Variants in CMIP observed in about 807,000 individuals in gnomAD.
CMIP encodes the protein C-Maf-inducing protein.
A neutral mutation model predicts 97.3 loss-of-function variants in CMIP; 13 were observed. The ratio of observed to expected loss-of-function variants is 0.13; its 90% CI spans 0.09 to 0.21. The LOEUF (loss-of-function observed/expected upper bound fraction) is 0.21. Ranked by LOEUF, CMIP falls within the 10% of genes least tolerant of loss-of-function variation. The probability of loss-of-function intolerance (pLI) is 1.00; values close to 1 mark genes in which losing one functional copy is unlikely to be tolerated. For synonymous variants in CMIP, 538 were observed against 436.3 expected (o/e 1.23, Z -2.91); for missense variants, 847 against 1,024.9 (o/e 0.83, Z 2.37).
intron 1 of CMIP, among the ~76,000 whole-genome samples, chr16:81,538,893 TTTAAA>T (rs1285597953): frequency 1.3e-5 from 2 of 152,192 alleles, no homozygotes; most frequent in African/African-American, 4.8e-5. Context: ...TTGTGTTCAT[TTTAAA>T]TTAAAATAAA....
intron 1 of CMIP, among the ~76,000 whole-genome samples, chr16:81,567,725 G>A (rs558587853): frequency 3.5e-4 from 53 of 152,294 alleles, no homozygotes; most frequent in South Asian, 2.1e-4. Flanking sequence ...CTGCTGTGTC[G>A]TCTGCACAGA....
At chr16:81,665,839 G>C (rs949859965) in intron 7 of CMIP, 10 of 151,580 alleles carry the variant, frequency 6.6e-5, no homozygotes, top group African/African-American at 2.4e-4. Flanking sequence ...TAGAGCCAGA[G>C]ACAGCATCAC....
At chr16:81,451,112 G>T (rs1906181986) in intron 1 of CMIP, among the ~76,000 whole-genome samples, 2 of 152,166 alleles carry the variant, frequency 1.3e-5, no homozygotes, top group South Asian at 4.1e-4. Context: ...TCTTTGATAT[G>T]GTTTGGATGT....
At chr16:81,559,828 C>G (rs2090841729) in intron 1 of CMIP, among the ~76,000 whole-genome samples, 1 of 152,132 alleles carries the variant, frequency 6.6e-6, no homozygotes, top group Non-Finnish European at 1.5e-5. Context: ...CAGCCTCAGG[C>G]AAGTCTTTCA....
At chr16:81,534,088 C>G (rs1382901948) in intron 1 of CMIP, 2 of 152,240 alleles carry the variant, frequency 1.3e-5, no homozygotes, top group African/African-American at 2.4e-5. Context: ...CATCTCCACG[C>G]TGGAGCTGGG....
chr16:81,701,818 C>T lies in CMIP; in HGVS notation c.1896+18C>T. 6.2e-7 allele frequency: 1 copy of T among 1,612,642 alleles called. No individual in the cohort carries two copies. The highest frequency in any genetic ancestry group is 1.3e-5 in the African/African-American group (1 of 75,044). ...AGGAGCTGGTGAGTCCCCGGCTGCT[C>T]CGGACCACTCCCCTGCCCAGCAGGC... On this transcript the variant is annotated intron_variant, in intron 16 of 20. Coordinates refer to ENST00000537098, the MANE Select transcript of CMIP (RefSeq NM_198390.3).
intron 1 of CMIP, among the ~76,000 whole-genome samples, chr16:81,569,347 G>C (rs1008548669): frequency 6.6e-6 from 1 of 152,246 alleles, no homozygotes; most frequent in Admixed American, 6.5e-5. Flanking sequence ...AGGTACCCCA[G>C]TAGGTAATGG....
chr16:81,668,902 ACCTTCCACACCCACCTCACACTCACGG>A (rs2092642757), intron 7 of CMIP, among the ~76,000 whole-genome samples: 2 of 126,200 alleles, frequency 1.6e-5, no homozygotes, highest in South Asian at 2.5e-4. Flanking sequence ...CCCACCTCAC[ACCTTCCACACCCACCTCACACTCACGG>A]CCTTCCACAC....
At chr16:81,706,866 C>A (rs181546143) in intron 19 of CMIP, 148 bp from the exon 20 acceptor site, 1 of 683,130 alleles carries the variant, frequency 1.5e-6, no homozygotes, top group Non-Finnish European at 2.6e-6. Context: ...GCCACCTACC[C>A]TGGCTGTGTC....
intron 1 of CMIP, among the ~76,000 whole-genome samples, chr16:81,606,569 C>T (rs1309470925): frequency 6.6e-6 from 1 of 152,132 alleles, no homozygotes; most frequent in East Asian, 1.9e-4. Context: ...CTACTCCCAA[C>T]AATGACCAAT....
intron 1 of CMIP, among the ~76,000 whole-genome samples, chr16:81,491,910 A>G (rs1193489741): frequency 1.3e-5 from 2 of 152,262 alleles, no homozygotes; most frequent in Non-Finnish European, 2.9e-5. Flanking sequence ...ATGACGTTTT[A>G]CCTAGTCTTC....
chr16:81,495,535 T>A (rs1243879821), intron 1 of CMIP: 2 of 1,606,176 alleles, frequency 1.2e-6, no homozygotes, highest in East Asian at 2.2e-5. Flanking sequence ...CAGCTTGATG[T>A]CTGTGCCTAA....
intron 20 of CMIP, among the ~76,000 whole-genome samples, chr16:81,707,443 C>T (rs1332971674): frequency 6.6e-6 from 1 of 152,232 alleles, no homozygotes; most frequent in African/African-American, 2.4e-5. Flanking sequence ...CAAATGTAAC[C>T]AGGAACTGAG....
chr16:81,474,136 C>A (rs932790841), intron 1 of CMIP, among the ~76,000 whole-genome samples: 3 of 152,238 alleles, frequency 2.0e-5, no homozygotes, highest in South Asian at 2.1e-4. Context: ...ACGGCCTCTC[C>A]ACTCCCCCAG....
intron 1 of CMIP, among the ~76,000 whole-genome samples, chr16:81,534,472 A>T (rs1243678361): frequency 1.3e-5 from 2 of 152,118 alleles, no homozygotes; most frequent in Non-Finnish European, 2.9e-5. Flanking sequence ...TTACTCTCCA[A>T]CTTTTTTTGT....
chr16:81,533,901 TTTCC>T (rs2090290316), intron 1 of CMIP: 1 of 152,254 alleles, frequency 6.6e-6, no homozygotes, highest in Admixed American at 6.5e-5. Flanking sequence ...TCTCCTGCCC[TTTCC>T]TTCCATCTCC....
At chr16:81,642,881 G>C (rs1409505703) in intron 3 of CMIP, among the ~76,000 whole-genome samples, 1 of 151,838 alleles carries the variant, frequency 6.6e-6, no homozygotes, top group Non-Finnish European at 1.5e-5. Flanking sequence ...GGGTAACAGA[G>C]TGAGACTCCA....
intron 20 of CMIP, 133 bp downstream of exon 20, chr16:81,707,217 T>C (rs1567678499): frequency 1.3e-6 from 1 of 747,444 alleles, no homozygotes. Context: ...CATAAAATAA[T>C]GGCAGATCAA....
chr16:81,595,791 G>A (rs868726720), intron 1 of CMIP, among the ~76,000 whole-genome samples: 1 of 152,062 alleles, frequency 6.6e-6, no homozygotes, highest in African/African-American at 2.4e-5. Flanking sequence ...TCCATCATCT[G>A]TTGATGGATA....
Sources: gnomAD v4.1 joint callset for allele counts (sites outside exome capture counted in the v4.1 genomes callset) on GRCh38, gnomAD v4.1.1 for gene constraint, MANE v1.5 for transcripts, NCBI Gene and HGNC (gene_info 2026-07-23, HGNC 2026-07-21) for gene names.